ZNF516: variants seen among roughly 807,000 people sequenced by gnomAD.
ZNF516 encodes the protein zinc finger protein 516.
In ZNF516, 19 loss-of-function variants were observed where a neutral mutation model predicts 79.7. The observed-to-expected ratio is 0.24, with a 90% confidence interval of 0.17 to 0.35. The LOEUF (loss-of-function observed/expected upper bound fraction) is 0.35. Ranked by LOEUF, ZNF516 falls within the 10% of genes least tolerant of loss-of-function variation. The probability of loss-of-function intolerance (pLI) is 1.00; values close to 1 mark genes in which losing one functional copy is unlikely to be tolerated. For synonymous variants in ZNF516, 877 were observed against 739.5 expected (o/e 1.19, Z -3.02); for missense variants, 1,678 against 1,679.5 (o/e 1.00, Z 0.02).
chr18:76,420,167 GCTTAAGAT>G (rs1454405029), intron 3 of ZNF516, among the ~76,000 whole-genome samples: 1 of 152,346 alleles, frequency 6.6e-6, no homozygotes, highest in South Asian at 2.1e-4. Flanking sequence ...TCTGCAGTAA[GCTTAAGAT>G]CTAAGTCAGC....
intron 3 of ZNF516, among the ~76,000 whole-genome samples, chr18:76,400,873 A>G (rs1301444706): frequency 6.6e-6 from 1 of 152,172 alleles, no homozygotes; most frequent in African/African-American, 2.4e-5. Context: ...ACAACACTAT[A>G]TTGTTCCTGA....
chr18:76,405,101 T>G (rs992674277), intron 3 of ZNF516, among the ~76,000 whole-genome samples: 21 of 152,256 alleles, frequency 1.4e-4, no homozygotes, highest in African/African-American at 4.8e-4. Flanking sequence ...CAGCACCTGA[T>G]GAACCAGCCT....
intron 1 of ZNF516, among the ~76,000 whole-genome samples, chr18:76,478,597 T>C (rs888608633): frequency 1.3e-5 from 2 of 152,222 alleles, no homozygotes; most frequent in Admixed American, 6.5e-5. Flanking sequence ...TATTATTAGA[T>C]GACATAGAGA....
intron 1 of ZNF516, among the ~76,000 whole-genome samples, chr18:76,478,541 A>G (rs1914308118): frequency 6.6e-6 from 1 of 152,362 alleles, no homozygotes; most frequent in East Asian, 1.9e-4. Flanking sequence ...ATCTACAAAA[A>G]ATAGGAATAA....
intron 1 of ZNF516, chr18:76,492,866 A>C (rs780848699): frequency 2.6e-5 from 26 of 985,662 alleles, no homozygotes; most frequent in Middle Eastern, 5.2e-4. Context: ...AACTGACTCG[A>C]ATAAAAGCGT....
chr18:76,375,190 T>C (rs2074766833), intron 4 of ZNF516, among the ~76,000 whole-genome samples: 2 of 152,212 alleles, frequency 1.3e-5, no homozygotes, highest in East Asian at 3.8e-4. Context: ...CTGGGTTTCC[T>C]TCTGGCTACA....
chr18:76,366,203 C>T (rs1328541937), intron 6 of ZNF516, among the ~76,000 whole-genome samples: 1 of 152,202 alleles, frequency 6.6e-6, no homozygotes, highest in South Asian at 2.1e-4. Flanking sequence ...TGAATTTAAT[C>T]AATTTCAGCA....
intron 2 of ZNF516, among the ~76,000 whole-genome samples, chr18:76,444,569 C>T (rs1056647830): frequency 5.9e-5 from 9 of 152,204 alleles, no homozygotes. Flanking sequence ...GATGACAGGG[C>T]CACCCACGAA....
At chr18:76,489,190 T>G (rs1179192635) in intron 1 of ZNF516, among the ~76,000 whole-genome samples, 1 of 152,204 alleles carries the variant, frequency 6.6e-6, no homozygotes, top group East Asian at 1.9e-4. Context: ...CCAATACGTA[T>G]TCTGGAAAAT....
At chr18:76,461,740 C>T (rs1913122716) in intron 2 of ZNF516, among the ~76,000 whole-genome samples, 1 of 152,234 alleles carries the variant, frequency 6.6e-6, no homozygotes, top group African/African-American at 2.4e-5. Flanking sequence ...TTCAGCAGTA[C>T]CGAAAATATG....
rs921512847 is a variant in ZNF516, at chr18:76,361,288, T to C, written c.*1210A>G. The C allele has an allele frequency of 1.3e-5, 2 of 152,236 alleles. No individual in the cohort carries two copies. The highest frequency in any genetic ancestry group is 2.4e-5 in the African/African-American group (1 of 41,462). The allele number at this position is 152,236 out of a possible 1,614,324, so 9.4% of individuals were successfully genotyped here. On this transcript the variant is annotated 3_prime_UTR_variant, in exon 7 of 7. Transcript: ENST00000443185. ...TTATATCTGTGGAATACCATTTCAA[T>C]TGCGTACACTGCATGGTTTAAGATC... is the stretch of plus-strand genomic sequence containing the variant.
chr18:76,476,534 G>C (rs9964541), intron 1 of ZNF516, among the ~76,000 whole-genome samples: 152,394 of 152,394 alleles, frequency 1, 76,197 homozygotes, highest in Non-Finnish European at 1. Context: ...TTAGCTACTG[G>C]AATTCCTCTC....
intron 2 of ZNF516, among the ~76,000 whole-genome samples, chr18:76,450,184 A>AGGTG (rs1555714179): frequency 2.9e-5 from 3 of 103,262 alleles, no homozygotes; most frequent in African/African-American, 7.2e-5. Context: ...ATGAAACTAA[A>AGGTG]GGGGGGGGGG....
At chr18:76,414,583 T>C (rs1227636550) in intron 3 of ZNF516, among the ~76,000 whole-genome samples, 2 of 152,242 alleles carry the variant, frequency 1.3e-5, no homozygotes, top group Non-Finnish European at 2.9e-5. Flanking sequence ...AATTCTCTTT[T>C]CAGGTTTTCT....
At chr18:76,496,247 T>G (rs1323174425), upstream of ZNF516, 1 of 1,265,360 alleles carries the variant, frequency 7.9e-7, no homozygotes, top group East Asian at 5.8e-5. Flanking sequence ...AGCTGCGGCC[T>G]GCGGAGGGGT....
chr18:76,466,596 G>C (rs1424615310), intron 1 of ZNF516, among the ~76,000 whole-genome samples: 1 of 152,260 alleles, frequency 6.6e-6, no homozygotes, highest in East Asian at 1.9e-4. Flanking sequence ...ATCTCCAGGA[G>C]ATCTAGTCAA....
chr18:76,449,435 C>T (rs554855442), intron 2 of ZNF516, among the ~76,000 whole-genome samples: 8 of 152,298 alleles, frequency 5.3e-5, no homozygotes, highest in African/African-American at 1.7e-4. Context: ...TTCCTGACCT[C>T]CTTCAGCCAA....
intron 6 of ZNF516, among the ~76,000 whole-genome samples, chr18:76,365,405 C>T (rs182468434): frequency 1.3e-5 from 2 of 152,216 alleles, no homozygotes; most frequent in East Asian, 3.9e-4. Flanking sequence ...TAATGTTTAA[C>T]AACAATGCAA....
intron 2 of ZNF516, among the ~76,000 whole-genome samples, chr18:76,448,758 G>A (rs926661868): frequency 5.3e-5 from 8 of 152,126 alleles, no homozygotes; most frequent in African/African-American, 1.7e-4. Flanking sequence ...CCAAGTGCAA[G>A]GCCTCGTATC....
Sources: allele counts gnomAD v4.1 joint callset (sites outside exome capture counted in the v4.1 genomes callset), GRCh38; gene constraint gnomAD v4.1.1; transcripts MANE v1.5; gene names NCBI Gene and HGNC (gene_info 2026-07-23, HGNC 2026-07-21).